The following ARG1 variants were observed in gnomAD, a reference collection of about 807,000 sequenced individuals.
ARG1 encodes the protein arginase-1.
In ARG1, 20 loss-of-function variants were observed where a neutral mutation model predicts 33.0. The observed-to-expected ratio is 0.61, with a 90% confidence interval of 0.43 to 0.88. The LOEUF (loss-of-function observed/expected upper bound fraction) is 0.88. ARG1 is among the 40% of genes least tolerant of loss of function. The pLI is 0.00. For synonymous variants in ARG1, 146 were observed against 140.6 expected (o/e 1.04, Z -0.27); for missense variants, 374 against 384.7 (o/e 0.97, Z 0.23).
intron 3 of ARG1, chr6:131,579,611 A>G (rs919245847): frequency 4.2e-6 from 1 of 237,086 alleles, no homozygotes; most frequent in Non-Finnish European, 8.4e-6. Flanking sequence ...TTAATTGCCG[A>G]TAATATATAC....
chr6:131,584,054 T>G lies in ARG1; in HGVS notation c.*146T>G. 1 of 900,948 alleles carries G rather than the reference T, an allele frequency of 1.1e-6. No individual in the cohort carries two copies. The highest frequency in any genetic ancestry group is 3.1e-5 in the Admixed American group (1 of 31,756). The allele number at this position is 900,948 out of a possible 1,614,324, so 55.8% of individuals were successfully genotyped here. On this transcript the variant is annotated 3_prime_UTR_variant, in exon 8 of 8. Transcript: ENST00000368087. ...AGTATAAACTCTACAAATTCCCTCT[T>G]GGTGTAAAATTCAAGATGTGGAAAT...
At chr6:131,577,544 C>T (rs74707177) in intron 2 of ARG1, among the ~76,000 whole-genome samples, 4,980 of 152,072 alleles carry the variant, frequency 0.033, 166 homozygotes, top group East Asian at 0.15. Flanking sequence ...AAATGCCCAT[C>T]AACTGGTAGA....
intron 2 of ARG1, 175 bp from the exon 3 acceptor site, chr6:131,578,936 T>C (rs988680495): frequency 1.1e-5 from 7 of 651,014 alleles, no homozygotes; most frequent in Non-Finnish European, 1.5e-5. Context: ...ACTGGTAACA[T>C]GACGTCAAGC....
intron 1 of ARG1, chr6:131,574,381 A>C: frequency 2.7e-6 from 4 of 1,488,860 alleles, no homozygotes; most frequent in Non-Finnish European, 3.8e-6. Context: ...TTCCCCTGGA[A>C]ATCCTCCAAA....
intron 1 of ARG1, among the ~76,000 whole-genome samples, chr6:131,573,695 T>C (rs1254927094): frequency 2.6e-5 from 4 of 152,204 alleles, no homozygotes; most frequent in East Asian, 1.9e-4. Flanking sequence ...TGTGTGTATG[T>C]AGAGGAAGAG....
At position 131,581,797 on chromosome 6, in the gene ARG1, T is replaced by C. The variant is rs79050546; in HGVS notation, c.465+419T>C. On this transcript the variant is annotated intron_variant, in intron 4 of 7. Transcript: ENST00000368087. ...CTTACTGAGTAGTCCTTCTATATCA[T>C]AGAGGCTTTTCAAAAAAGAAATTTT... is the stretch of plus-strand genomic sequence containing the variant. Among the ~76,000 whole-genome samples, 1,397 of 152,296 alleles carry C rather than the reference T, an allele frequency of 9.2e-3. 20 individuals carry two copies. Among genetic ancestry groups the C allele is most frequent in the African/African-American group, 0.032 (1,347 of 41,552 alleles).
chr6:131,573,937 CAA>C (rs1016431355), intron 1 of ARG1: 17 of 331,816 alleles, frequency 5.1e-5, no homozygotes, highest in Non-Finnish European at 9.7e-5. Flanking sequence ...AAAAAAAGAA[CAA>C]AAAAAGAAAG....
In ARG1 at chr6:131,583,990, T is replaced by C. The variant is rs1193053345; in HGVS notation, c.*82T>C. The C allele has an allele frequency of 6.8e-7, 1 of 1,477,658 alleles. No homozygotes were observed. The highest frequency in any genetic ancestry group is 9.3e-7 in the Non-Finnish European group (1 of 1,069,912). 91.5% of individuals were successfully genotyped at this position (1,477,658 alleles called of 1,614,324 possible). ...ATTTTCTTAAGCATAGAGTTATCCT[T>C]CTAAAGACTTGTTCTTTCAGAAAAA... On this transcript the variant is annotated 3_prime_UTR_variant, in exon 8 of 8. Transcript: ENST00000368087.
chr6:131,574,271 C>T (rs200100607), intron 1 of ARG1: 6 of 1,613,754 alleles, frequency 3.7e-6, no homozygotes, highest in Non-Finnish European at 5.1e-6. Context: ...AATTTGGAAC[C>T]CTTGCTGTGT....
chr6:131,574,892 C>T (rs772569620), intron 1 of ARG1, among the ~76,000 whole-genome samples: 10 of 152,196 alleles, frequency 6.6e-5, no homozygotes, highest in Non-Finnish European at 1.0e-4. Context: ...GTCACACAGC[C>T]TTGACTGCAT....
In ARG1 at chr6:131,581,226, A is replaced by G. The variant is rs749966465; in HGVS notation, c.313A>G (p.Ile105Val). The G allele has an allele frequency of 6.2e-6, 10 of 1,613,878 alleles. No homozygotes were observed. Among genetic ancestry groups the G allele is most frequent in the Non-Finnish European group, 8.5e-6 (10 of 1,179,772 alleles). ...LVLGGDHSLA[I>V]GSISGHARVH... The stretch of plus-strand genomic sequence containing the variant: ...AAATTTTTTCCCCAAAAGTTTGGCA[A>G]TTGGAAGCATCTCTGGCCATGCCAG... The change falls in exon 4 of 8, where the codon ATT becomes GTT. Residue 105 changes from isoleucine (I) to valine (V), a missense_variant. Ile to Val is a conservative substitution (Grantham distance 29). Transcript: ENST00000368087.
At chr6:131,574,947 T>G (rs1164719483) in intron 1 of ARG1, among the ~76,000 whole-genome samples, 1 of 152,138 alleles carries the variant, frequency 6.6e-6, no homozygotes, top group Non-Finnish European at 1.5e-5. Flanking sequence ...TGCCCTTGAT[T>G]TGCACTGATG....
chr6:131,574,151 G>T, intron 1 of ARG1: 1 of 1,015,696 alleles, frequency 9.8e-7, no homozygotes. Context: ...TGTGCTTAAA[G>T]AGGATAAAAA....
chr6:131,580,686 C>A (rs933539051), intron 3 of ARG1, among the ~76,000 whole-genome samples: 13 of 152,148 alleles, frequency 8.5e-5, no homozygotes, highest in African/African-American at 2.4e-4. Flanking sequence ...TGAGTGAACA[C>A]ACGCCATACG....
intron 1 of ARG1, among the ~76,000 whole-genome samples, chr6:131,576,028 T>A (rs1773595500): frequency 6.6e-6 from 1 of 152,218 alleles, no homozygotes; most frequent in South Asian, 2.1e-4. Context: ...GCCCAATCGT[T>A]CCCTTGGTTT....
At chr6:131,578,659 A>C (rs1284071336) in intron 2 of ARG1, among the ~76,000 whole-genome samples, 1 of 152,178 alleles carries the variant, frequency 6.6e-6, no homozygotes, top group Non-Finnish European at 1.5e-5. Flanking sequence ...AGATGAAAAT[A>C]CACCAGTGCT....
rs1437727554 is a variant in ARG1, at chr6:131,584,075, G to A, written c.*167G>A. 3.8e-6 allele frequency: 3 copies of A among 782,950 alleles called. No homozygotes were observed. The highest frequency in any genetic ancestry group is 5.9e-6 in the Non-Finnish European group (3 of 512,068). 48.5% of individuals were successfully genotyped at this position (782,950 alleles called of 1,614,324 possible). A position where few individuals can be genotyped will look rare whatever the true frequency, so the allele number is the denominator to read the frequency against. ...CTCTTGGTGTAAAATTCAAGATGTG[G>A]AAATTCTAACTTTTTTGAAATTTAA... On this transcript the variant is annotated 3_prime_UTR_variant, in exon 8 of 8. Coordinates refer to ENST00000368087, the MANE Select transcript of ARG1 (RefSeq NM_000045.4).
In ARG1 at chr6:131,583,462, T is replaced by C; in HGVS notation, c.773T>C (p.Leu258Pro). 6.2e-7 allele frequency: 1 copy of C among 1,614,114 alleles called. No homozygotes were observed. Among genetic ancestry groups the C allele is most frequent in the Non-Finnish European group, 8.5e-7 (1 of 1,179,980 alleles). The change falls in exon 7 of 8, where the codon CTC becomes CCC. Residue 258 changes from leucine to proline, a missense_variant. Physicochemically the swap from Leu to Pro is moderately conservative, Grantham distance 98. Coordinates refer to ENST00000368087, the MANE Select transcript of ARG1 (RefSeq NM_000045.4). ...GGAGGTCTGACATACAGAGAAGGTC[T>C]CTACATCACAGAAGAAATCTACAAA... ...VVGGLTYREG[L>P]YITEEIYKTG...
chr6:131,581,101 T>A, intron 3 of ARG1, 118 bp from the exon 4 acceptor site: 1 of 982,496 alleles, frequency 1.0e-6, no homozygotes, highest in African/African-American at 1.6e-5. Context: ...TCAGAACCTA[T>A]CAGAAATATC....
Sources: gnomAD v4.1 joint callset for allele counts (sites outside exome capture counted in the v4.1 genomes callset) on GRCh38, gnomAD v4.1.1 for gene constraint, MANE v1.5 for transcripts, NCBI Gene and HGNC (gene_info 2026-07-23, HGNC 2026-07-21) for gene names.